Variants in NLRC5 observed in about 807,000 individuals in gnomAD.
NLRC5 encodes NLR family CARD domain containing 5.
In NLRC5, 114 loss-of-function variants were observed where a neutral mutation model predicts 206.9. The ratio of observed to expected loss-of-function variants is 0.55; its 90% CI spans 0.47 to 0.64. The LOEUF (loss-of-function observed/expected upper bound fraction) is 0.64. NLRC5 is among the 30% of genes least tolerant of loss of function. The pLI is 0.00. For missense variants in NLRC5, 2,008 were observed against 2,305.5 expected (o/e 0.87, Z 2.64); for synonymous variants, 952 against 962.8 (o/e 0.99, Z 0.21).
chr16:57,026,183 C>A lies in NLRC5; in HGVS notation c.1240C>A (p.Leu414Ile). ...GCCCGCACTGTGCCAAGTCGCCTGT[C>A]TCTGCCTCCACCATCTGCTTCCTGA... is the stretch of plus-strand genomic sequence containing the variant. Reference protein sequence around the residue: ...AVPALCQVACLCLHHLLPDHA... With the variant: ...AVPALCQVACICLHHLLPDHA... Residue 414 changes from leucine to isoleucine, a missense_variant, in exon 6 of 49, where the codon CTC (leucine) becomes ATC (isoleucine). Transcript: ENST00000688547. The A allele has an allele frequency of 6.2e-7, 1 of 1,613,834 alleles. No homozygotes were observed. Among genetic ancestry groups the A allele is most frequent in the Middle Eastern group, 1.6e-4 (1 of 6,062 alleles).
At position 57,065,214 on chromosome 16, in the gene NLRC5, T is replaced by C. The variant is rs141448838; in HGVS notation, c.4157T>C (p.Val1386Ala). The change falls in exon 33 of 49, where the codon GTG becomes GCG. Residue 1386 changes from valine (V) to alanine (A), a missense_variant and splice_region_variant. Val to Ala is a moderately conservative substitution (Grantham distance 64). Coordinates refer to ENST00000688547, the MANE Select transcript of NLRC5 (RefSeq NM_001384950.1). ...ATCTGTGTCCCCTTCTGTGACAGGG[T>C]GCAGGAGCCGTGGGCGGACAGAGCC... Reference protein sequence around the residue: ...GRPAGLFSLRVQEPWADRARV... With the variant: ...GRPAGLFSLRAQEPWADRARV... 1.3e-6 allele frequency: 2 copies of C among 1,552,338 alleles called. No individual in the cohort carries two copies. The highest frequency in any genetic ancestry group is 2.4e-5 in the East Asian group (1 of 40,992).
At position 57,012,407 on chromosome 16, in the gene NLRC5, T is replaced by C. The variant is rs571552930; in HGVS notation, c.-127-4667T>C. On this transcript the variant is annotated intron_variant, in intron 1 of 48. Coordinates refer to ENST00000688547, the MANE Select transcript of NLRC5 (RefSeq NM_001384950.1). The stretch of plus-strand genomic sequence containing the variant: ...TTGCTGGATTAGATGGTAATTCTAT[T>C]GTTTTACATTCTAAGGCAGGGGTCC... Among the ~76,000 whole-genome samples the C allele has an allele frequency of 6.0e-4, 91 of 152,340 alleles. No homozygotes were observed. In the South Asian group the frequency reaches 0.018, roughly 31 times the overall value.
intron 24 of NLRC5, 70 bp from the exon 25 acceptor site, chr16:57,054,681 T>C: frequency 8.9e-7 from 1 of 1,117,796 alleles, no homozygotes; most frequent in Non-Finnish European, 1.4e-6. Context: ...ACCCTCCCTT[T>C]CCTTACCCTC....
rs755803508 is a variant in NLRC5, at chr16:57,005,480, G to A, written c.-127-11594G>A. On this transcript the variant is annotated intron_variant, in intron 1 of 48. Coordinates refer to ENST00000688547, the MANE Select transcript of NLRC5 (RefSeq NM_001384950.1). Reference sequence around the variant, plus strand: ...TTGAGACTAGCTTGGGCAACATAGCGGGACCTCATCTTAATATTAAAAAAA... The same window carrying A: ...TTGAGACTAGCTTGGGCAACATAGCAGGACCTCATCTTAATATTAAAAAAA... Among the ~76,000 whole-genome samples, 42 of 138,776 alleles carry A rather than the reference G, an allele frequency of 3.0e-4. 1 individual carries two copies. The highest frequency in any genetic ancestry group is 4.8e-4 in the Non-Finnish European group (31 of 65,034). 91.0% of individuals were successfully genotyped at this position (138,776 alleles called of 152,430 possible). A position where few individuals can be genotyped will look rare whatever the true frequency, so the allele number is the denominator to read the frequency against.
intron 1 of NLRC5, among the ~76,000 whole-genome samples, chr16:56,997,376 C>G (rs1465681529): frequency 2.0e-5 from 3 of 151,976 alleles, no homozygotes; most frequent in Admixed American, 6.6e-5. Flanking sequence ...GGACATGTCC[C>G]CTCCTTGTGC....
chr16:57,077,369 A>G lies in NLRC5; in HGVS notation c.4909A>G (p.Arg1637Gly). 2 of 1,613,928 alleles carry G rather than the reference A, an allele frequency of 1.2e-6. No homozygotes were observed. Among genetic ancestry groups the G allele is most frequent in the African/African-American group, 2.7e-5 (2 of 75,034 alleles). The change falls in exon 41 of 49, where the codon AGG becomes GGG. Residue 1637 changes from arginine (R) to glycine (G), a missense_variant. By Grantham distance (125) the Arg-to-Gly change is moderately radical. Transcript: ENST00000688547. ...CATCCTGCCTGGGCTGCCAGAGCTC[A>G]GGAAGATAGAGTGAGTAGCCAGCCC... is the stretch of plus-strand genomic sequence containing the variant. ...ATILPGLPEL[R>G]KIDLSGNSIS...
intron 1 of NLRC5, among the ~76,000 whole-genome samples, chr16:57,007,734 A>C (rs1170714869): frequency 6.6e-6 from 1 of 152,004 alleles, no homozygotes; most frequent in Non-Finnish European, 1.5e-5. Context: ...GTCTCAAAAA[A>C]AAATTTTTAA....
Position 57,061,674 on chromosome 16 carries a change from G to A in NLRC5, c.4127G>A (p.Gly1376Glu), listed in dbSNP as rs778069390. ...CTGGCCATCCTCCTGAGCTTGGTGG[G>A]GCGACCCGCAGGGCTGTTCAGCCTC... is the stretch of plus-strand genomic sequence containing the variant. ...KQLAILLSLV[G>E]RPAGLFSLRV... Residue 1376 changes from glycine (G) to glutamate (E), a missense_variant, in exon 32 of 49, where the codon GGG becomes GAG. By Grantham distance (98) the Gly-to-Glu change is moderately conservative (BLOSUM62 -2). Transcript: ENST00000688547. 1 of 1,609,074 alleles carries A rather than the reference G, an allele frequency of 6.2e-7. No individual in the cohort carries two copies. The highest frequency in any genetic ancestry group is 2.2e-5 in the East Asian group (1 of 44,866).
chr16:57,004,367 A>C (rs550735180), intron 1 of NLRC5: 1 of 152,382 alleles, frequency 6.6e-6, no homozygotes, highest in South Asian at 2.1e-4. Context: ...GCCTCAAACG[A>C]TCTTCCTGCC....
At position 57,006,946 on chromosome 16, in the gene NLRC5, T is replaced by C. The variant is rs536447770; in HGVS notation, c.-127-10128T>C. 5.3e-5 allele frequency among the ~76,000 whole-genome samples: 8 copies of C among 150,034 alleles called. No homozygotes were observed. In the South Asian group the frequency reaches 8.3e-4, roughly 16 times the overall value. On this transcript the variant is annotated intron_variant, in intron 1 of 48. Transcript: ENST00000688547. ...ACATTATTTAGGGAAGTTTCATTTT[T>C]TTGTGAGCTATCACTGATAATTTCT...
At chr16:57,068,852 T>C (rs2067334695) in intron 36 of NLRC5, among the ~76,000 whole-genome samples, 1 of 152,260 alleles carries the variant, frequency 6.6e-6, no homozygotes, top group South Asian at 2.1e-4. Flanking sequence ...GGCCCTTCTT[T>C]GTCTTTCATA....
At chr16:57,028,461 G>A in intron 8 of NLRC5, 76 bp downstream of exon 8, 1 of 1,159,452 alleles carries the variant, frequency 8.6e-7, no homozygotes. Flanking sequence ...CCTGGGGCCT[G>A]CATGTTCCTC....
At chr16:57,076,719 T>C in intron 39 of NLRC5, 100 bp from the exon 40 acceptor site, 1 of 1,105,374 alleles carries the variant, frequency 9.0e-7, no homozygotes, top group Non-Finnish European at 1.4e-6. Flanking sequence ...TATGAATTCC[T>C]GGGCGTGTAA....
chr16:57,039,871 A>C, intron 16 of NLRC5, 22 bp downstream of exon 16: 1 of 1,600,848 alleles, frequency 6.2e-7, no homozygotes, highest in Non-Finnish European at 8.6e-7. Flanking sequence ...TTTCACCCCA[A>C]CTCCATGCTC....
At chr16:57,051,669 C>A in intron 24 of NLRC5, 48 bp downstream of exon 24, 1 of 1,479,816 alleles carries the variant, frequency 6.8e-7, no homozygotes, top group Non-Finnish European at 9.5e-7. Flanking sequence ...GCTCGTGTTT[C>A]TAAGGCTCCT....
chr16:57,020,640 A>C, intron 2 of NLRC5, 61 bp from the exon 3 acceptor site: 1 of 811,068 alleles, frequency 1.2e-6, no homozygotes, highest in Non-Finnish European at 1.7e-6. Context: ...CCTGTCCCTC[A>C]GCTCATCTGC....
intron 32 of NLRC5, 96 bp from the exon 33 acceptor site, chr16:57,065,116 T>TC (rs1400061963): frequency 2.4e-5 from 16 of 676,200 alleles, no homozygotes; most frequent in South Asian, 5.4e-5. Flanking sequence ...AGCCTCTAGG[T>TC]CCCCCCCTTG....
At position 57,025,993 on chromosome 16, in the gene NLRC5, G is replaced by GCTGCCTGC; in HGVS notation, c.1063_1070dup (p.Glu358CysfsTer22). 2 of 1,614,022 alleles carry GCTGCCTGC rather than the reference G, an allele frequency of 1.2e-6. No individual in the cohort carries two copies. Among genetic ancestry groups the GCTGCCTGC allele is most frequent in the Non-Finnish European group, 8.5e-7 (1 of 1,180,022 alleles). The stretch of plus-strand genomic sequence containing the variant: ...TGATGGCTACCTCCCGTCCAGGGAA[G>GCTGCCTGC]CTGCCTGCCTGCCTGCCTGCAGAGG... On this transcript the variant is annotated frameshift_variant, in exon 6 of 49. Transcript: ENST00000688547. LOFTEE classifies it high-confidence loss of function.
intron 1 of NLRC5, among the ~76,000 whole-genome samples, chr16:57,007,723 T>C (rs1406069049): frequency 6.6e-6 from 1 of 151,974 alleles, no homozygotes; most frequent in Non-Finnish European, 1.5e-5. Flanking sequence ...AGTGAGACTC[T>C]GTCTCAAAAA....
Sources: allele counts gnomAD v4.1 joint callset (sites outside exome capture counted in the v4.1 genomes callset), GRCh38; gene constraint gnomAD v4.1.1; transcripts MANE v1.5; gene names NCBI Gene and HGNC (gene_info 2026-07-23, HGNC 2026-07-21).